The following SH3BGRL2 variants were observed in gnomAD, a reference collection of about 807,000 sequenced individuals.
The protein encoded by SH3BGRL2 is SH3 domain-binding glutamic acid-rich-like protein 2.
Under a neutral mutation model 14.8 loss-of-function variants are expected in SH3BGRL2, and 21 were observed. That is an observed-to-expected ratio of 1.42 (90% CI 1.01 to 2.05). The LOEUF (loss-of-function observed/expected upper bound fraction) is 2.05. SH3BGRL2 is among the 30% of genes most tolerant of loss of function. The pLI, the probability that SH3BGRL2 is intolerant of heterozygous loss-of-function variation, is 0.00. For missense variants in SH3BGRL2, 147 were observed against 130.8 expected (o/e 1.12, Z -0.61); for synonymous variants, 50 against 47.8 (o/e 1.05, Z -0.19).
chr6:79,647,843 G>C (rs1195551968), intron 1 of SH3BGRL2, among the ~76,000 whole-genome samples: 1 of 152,046 alleles, frequency 6.6e-6, no homozygotes, highest in East Asian at 1.9e-4. Flanking sequence ...TGCTTTCCCT[G>C]TTCTTTTTTG....
the SH3BGRL2 span, among the ~76,000 whole-genome samples, chr6:79,625,633 G>T: frequency 6.6e-6 from 1 of 152,088 alleles, no homozygotes; most frequent in African/African-American, 2.4e-5. Flanking sequence ...TATTTATAGG[G>T]TTTATATGCT....
At chr6:79,682,889 T>C (rs1258122879) in intron 2 of SH3BGRL2, among the ~76,000 whole-genome samples, 1 of 152,204 alleles carries the variant, frequency 6.6e-6, no homozygotes, top group African/African-American at 2.4e-5. Flanking sequence ...GATGAGTTCA[T>C]GTTCTTTGCA....
chr6:79,658,010 C>G (rs1451137432), intron 1 of SH3BGRL2, among the ~76,000 whole-genome samples: 1 of 152,084 alleles, frequency 6.6e-6, no homozygotes, highest in African/African-American at 2.4e-5. Context: ...AAGAAGCATC[C>G]AGCCACGGGC....
At chr6:79,653,171 C>T (rs1280661702) in intron 1 of SH3BGRL2, among the ~76,000 whole-genome samples, 1 of 152,124 alleles carries the variant, frequency 6.6e-6, no homozygotes, top group African/African-American at 2.4e-5. Flanking sequence ...TTAGCAGCAG[C>T]TAGTCTTCAG....
intron 1 of SH3BGRL2, among the ~76,000 whole-genome samples, chr6:79,668,797 C>T (rs1282709293): frequency 1.3e-5 from 2 of 152,206 alleles, no homozygotes; most frequent in African/African-American, 4.8e-5. Context: ...TTTATTTAAA[C>T]ATGCAACCAC....
upstream of SH3BGRL2, chr6:79,631,288 C>T: frequency 2.2e-6 from 1 of 460,728 alleles, no homozygotes; most frequent in Non-Finnish European, 3.7e-6. Context: ...TGCGGCCGGG[C>T]GGCGCTGGGC....
At chr6:79,542,269 C>CTT in the SH3BGRL2 span, among the ~76,000 whole-genome samples, 65 of 145,860 alleles carry the variant, frequency 4.5e-4, no homozygotes, top group East Asian at 2.2e-3. Context: ...CTATATCCTA[C>CTT]TTTTTTTTTT....
At chr6:79,540,995 G>A in the SH3BGRL2 span, among the ~76,000 whole-genome samples, 1 of 152,172 alleles carries the variant, frequency 6.6e-6, no homozygotes, top group African/African-American at 2.4e-5. Flanking sequence ...GCTCATGCCT[G>A]TAATCCCAGC....
chr6:79,629,096 A>C (rs1419690373), upstream of SH3BGRL2, among the ~76,000 whole-genome samples: 1 of 152,242 alleles, frequency 6.6e-6, no homozygotes, highest in Admixed American at 6.5e-5. Flanking sequence ...CTTTATTTAC[A>C]AAGCAGGTAG....
chr6:79,625,717 A>G, the SH3BGRL2 span, among the ~76,000 whole-genome samples: 1 of 152,230 alleles, frequency 6.6e-6, no homozygotes, highest in African/African-American at 2.4e-5. Flanking sequence ...AGTCCTAACT[A>G]TGTGCCAGGC....
At chr6:79,582,675 T>TA in the SH3BGRL2 span, among the ~76,000 whole-genome samples, 16,235 of 152,122 alleles carry the variant, frequency 0.11, 977 homozygotes, top group Non-Finnish European at 0.13. Flanking sequence ...CCTAAAACCA[T>TA]AAAACCCTAG....
intron 1 of SH3BGRL2, among the ~76,000 whole-genome samples, chr6:79,644,360 G>A (rs1421520942): frequency 6.6e-6 from 1 of 152,122 alleles, no homozygotes; most frequent in Non-Finnish European, 1.5e-5. Flanking sequence ...GCCTCCATCT[G>A]TAAAGGGAAA....
the SH3BGRL2 span, among the ~76,000 whole-genome samples, chr6:79,600,758 C>G: frequency 6.6e-6 from 1 of 152,184 alleles, no homozygotes; most frequent in Non-Finnish European, 1.5e-5. Context: ...GTCTATCTTC[C>G]TTAATGCTGA....
chr6:79,612,920 T>C, the SH3BGRL2 span, among the ~76,000 whole-genome samples: 1 of 152,186 alleles, frequency 6.6e-6, no homozygotes, highest in Non-Finnish European at 1.5e-5. Flanking sequence ...CCCAATCTCA[T>C]TCACATGCAT....
Position 79,692,934 on chromosome 6 carries a change from A to T in SH3BGRL2, c.232-3551A>T, listed in dbSNP as rs140585212. Among the ~76,000 whole-genome samples the T allele has an allele frequency of 2.8e-3, 424 of 152,296 alleles. 4 individuals are homozygous for T. Among genetic ancestry groups the T allele is most frequent in the African/African-American group, 9.2e-3 (382 of 41,556 alleles). On this transcript the variant is annotated intron_variant, in intron 2 of 3. Transcript: ENST00000369838. ...TTGATGGGGATGGCATTTAATCTATAAATTACCTTGGGTAGTATGGCCATT... is the reference window on the plus strand; with the variant it reads ...TTGATGGGGATGGCATTTAATCTATTAATTACCTTGGGTAGTATGGCCATT...
At chr6:79,612,021 C>G in the SH3BGRL2 span, among the ~76,000 whole-genome samples, 1 of 152,150 alleles carries the variant, frequency 6.6e-6, no homozygotes, top group South Asian at 2.1e-4. Context: ...ACTTCACTGC[C>G]AGGCGCTGGC....
At chr6:79,542,656 T>TACCAATATGG in the SH3BGRL2 span, among the ~76,000 whole-genome samples, 3 of 152,060 alleles carry the variant, frequency 2.0e-5, no homozygotes, top group South Asian at 2.1e-4. Flanking sequence ...CGGTAGGTTC[T>TACCAATATGG]GCCAAAATGG....
At chr6:79,563,265 C>T in the SH3BGRL2 span, among the ~76,000 whole-genome samples, 1 of 151,654 alleles carries the variant, frequency 6.6e-6, no homozygotes. Context: ...GCATGGGCCA[C>T]CGTGCCCGGC....
chr6:79,638,336 AT>A (rs1181267419), intron 1 of SH3BGRL2, among the ~76,000 whole-genome samples: 1 of 152,160 alleles, frequency 6.6e-6, no homozygotes. Context: ...TATATACCAT[AT>A]TATCCATTTG....
Sources: gnomAD v4.1 joint callset for allele counts (sites outside exome capture counted in the v4.1 genomes callset) on GRCh38, gnomAD v4.1.1 for gene constraint, MANE v1.5 for transcripts, NCBI Gene and HGNC (gene_info 2026-07-23, HGNC 2026-07-21) for gene names.